The following RLF variants were observed in gnomAD, a reference collection of about 807,000 sequenced individuals.
RLF encodes RLF zinc finger.
In RLF, 7 loss-of-function variants were observed where a neutral mutation model predicts 162.9. The observed-to-expected ratio is 0.04, with a 90% confidence interval of 0.02 to 0.08. RLF has a LOEUF of 0.08. RLF is among the 10% of genes least tolerant of loss of function. The pLI is 1.00. For missense variants in RLF, 1,664 were observed against 2,244.7 expected, an observed-to-expected ratio of 0.74 and a Z score of 5.23; for synonymous variants, 782 against 791.5, an observed-to-expected ratio of 0.99 and a Z score of 0.20.
intron 6 of RLF, among the ~76,000 whole-genome samples, chr1:40,226,745 TACTTCATTCC>T (rs1410732050): frequency 3.3e-5 from 5 of 152,208 alleles, no homozygotes; most frequent in African/African-American, 1.2e-4. Context: ...CAGTTTTATT[TACTTCATTCC>T]TAAAATACCT....
chr1:40,165,416 C>T (rs1016702213), intron 1 of RLF, among the ~76,000 whole-genome samples: 1 of 152,184 alleles, frequency 6.6e-6, no homozygotes, highest in Non-Finnish European at 1.5e-5. Flanking sequence ...GTATTAACTA[C>T]GTTAACGAGA....
At chr1:40,184,664 A>G (rs1642448286) in intron 1 of RLF, among the ~76,000 whole-genome samples, 1 of 152,176 alleles carries the variant, frequency 6.6e-6, no homozygotes. Context: ...TGGGATGTGA[A>G]TGAGAGCACC....
chr1:40,205,485 C>CTTTTTTTTT (rs36038824), intron 5 of RLF, among the ~76,000 whole-genome samples: 1 of 107,060 alleles, frequency 9.3e-6, no homozygotes, highest in Non-Finnish European at 1.8e-5. Context: ...TTCCTTCCTT[C>CTTTTTTTTT]TTTTTTTTTT....
At chr1:40,235,165 C>T (rs144128419) in intron 7 of RLF, among the ~76,000 whole-genome samples, 8 of 147,466 alleles carry the variant, frequency 5.4e-5, no homozygotes, top group African/African-American at 1.5e-4. Flanking sequence ...TGGGTTCAAG[C>T]GATTCTGCTG....
At chr1:40,167,076 C>T (rs930131879) in intron 1 of RLF, among the ~76,000 whole-genome samples, 3 of 152,124 alleles carry the variant, frequency 2.0e-5, no homozygotes, top group African/African-American at 7.2e-5. Flanking sequence ...CATTATTTAT[C>T]AATCTAAGCC....
In RLF at chr1:40,239,145, A is replaced by C. The variant is rs1178609368; in HGVS notation, c.4443A>C (p.Lys1481Asn). The change falls in exon 8 of 8, where the codon AAA (lysine) becomes AAC (asparagine). Residue 1481 changes from lysine to asparagine, a missense_variant. Around this residue, in one of 15 missense-constraint regions of RLF, gnomAD observed 200 missense variants for 207.3 expected, o/e 0.96. Transcript: ENST00000372771. Reference protein sequence around the residue: ...DYYDDLFRSQKVANERLLRSE... With the variant: ...DYYDDLFRSQNVANERLLRSE... The stretch of plus-strand genomic sequence containing the variant: ...ATGATGATTTGTTTAGAAGCCAGAA[A>C]GTAGCAAATGAGAGACTACTAAGGA... 7 of 1,614,030 alleles carry C rather than the reference A, an allele frequency of 4.3e-6. No homozygotes were observed. Among genetic ancestry groups the C allele is most frequent in the Non-Finnish European group, 5.1e-6 (6 of 1,180,038 alleles).
chr1:40,189,631 TAAGA>T (rs1209075604), intron 2 of RLF, among the ~76,000 whole-genome samples: 1 of 152,136 alleles, frequency 6.6e-6, no homozygotes, highest in Non-Finnish European at 1.5e-5. Context: ...ATTACCATCC[TAAGA>T]AAGAGATCAT....
At position 40,202,451 on chromosome 1, in the gene RLF, A is replaced by G; in HGVS notation, c.647A>G (p.Gln216Arg). 6.3e-7 allele frequency: 1 copy of G among 1,581,648 alleles called. No individual in the cohort carries two copies. The highest frequency in any genetic ancestry group is 8.5e-7 in the Non-Finnish European group (1 of 1,170,806). The change falls in exon 5 of 8, where the codon CAA becomes CGA. Residue 216 changes from glutamine (Q) to arginine (R), a missense_variant. By Grantham distance (43) the Gln-to-Arg change is conservative. Coordinates refer to ENST00000372771, the MANE Select transcript of RLF (RefSeq NM_012421.4). ...GCACAAGAAGGACCTTCCTTTCTGCAAATGCGAATAAAACATTTGTTGAAA... is the reference window on the plus strand; with the variant it reads ...GCACAAGAAGGACCTTCCTTTCTGCGAATGCGAATAAAACATTTGTTGAAA... The part of the protein sequence containing the change: ...LIAQEGPSFL[Q>R]MRIKHLLKSN...
rs186161212 is a variant in RLF, at chr1:40,163,686, A to G, written c.237+2050A>G. 6.0e-4 allele frequency among the ~76,000 whole-genome samples: 92 copies of G among 152,332 alleles called. 1 individual carries two copies. The Middle Eastern group carries it at 0.02, about 34-fold the overall frequency. ...AAGTATTCCTGTAACACTGTATTGTAATAGAAAGCACATGGGATTGGGAGT... is the reference window on the plus strand; with the variant it reads ...AAGTATTCCTGTAACACTGTATTGTGATAGAAAGCACATGGGATTGGGAGT... On this transcript the variant is annotated intron_variant, in intron 1 of 7. Transcript: ENST00000372771.
intron 1 of RLF, among the ~76,000 whole-genome samples, chr1:40,167,910 TCTTTATCAA>T (rs1642188300): frequency 1.3e-5 from 2 of 151,772 alleles, no homozygotes; most frequent in Admixed American, 1.3e-4. Flanking sequence ...GTCTTAACTG[TCTTTATCAA>T]GAAATAGGGA....
rs1405718691 is a variant in RLF at position 40,227,874 on chromosome 1, G to A, written c.948-3643G>A. Among the ~76,000 whole-genome samples the A allele has an allele frequency of 2.0e-5, 3 of 152,214 alleles. No homozygotes were observed. The East Asian group carries it at 5.8e-4, about 29-fold the overall frequency. ...AAAAAATAGCTGGGGATGGTGGCGG[G>A]CACCTGTAATCACAGCTACTAGGGA... On this transcript the variant is annotated intron_variant, in intron 6 of 7. Transcript: ENST00000372771.
rs1323813748 is a variant in RLF, at chr1:40,239,487, T to C, written c.4785T>C (p.Gly1595=). The change falls in exon 8 of 8, where the codon GGT becomes GGC. Residue 1595 remains glycine, a synonymous_variant. Coordinates refer to ENST00000372771, the MANE Select transcript of RLF (RefSeq NM_012421.4). The part of the protein sequence containing the change: ...MENLVVCVKY[G]TKIKEEPPSE... ...ATCTTGTTGTTTGCGTTAAGTACGG[T>C]ACCAAAATTAAGGAGGAACCCCCTT... is the stretch of plus-strand genomic sequence containing the variant. 2 of 1,613,950 alleles carry C rather than the reference T, an allele frequency of 1.2e-6. No homozygotes were observed. The highest frequency in any genetic ancestry group is 2.7e-5 in the African/African-American group (2 of 75,004).
intron 4 of RLF, among the ~76,000 whole-genome samples, chr1:40,196,890 T>G (rs1177805765): frequency 1.3e-5 from 2 of 152,220 alleles, no homozygotes; most frequent in Non-Finnish European, 2.9e-5. Flanking sequence ...ATCACAAAAG[T>G]ATCTTCTTTG....
At position 40,169,559 on chromosome 1, in the gene RLF, T is replaced by G. The variant is rs867271734; in HGVS notation, c.237+7923T>G. On this transcript the variant is annotated intron_variant, in intron 1 of 7. Coordinates refer to ENST00000372771, the MANE Select transcript of RLF (RefSeq NM_012421.4). ...TGAACCCGGGAGGCGGAGCTTGCAG[T>G]GAGCCGAGATTGCGCCACTGCAGTC... Among the ~76,000 whole-genome samples, 48 of 127,744 alleles carry G rather than the reference T, an allele frequency of 3.8e-4. 1 individual carries two copies. The highest frequency in any genetic ancestry group is 1.4e-3 in the African/African-American group (46 of 32,734). The allele number at this position is 127,744 out of a possible 152,430, so 83.8% of individuals were successfully genotyped here.
rs372603446 is a variant in RLF at position 40,171,968 on chromosome 1, A to G, written c.237+10332A>G. ...CTGTATGATGTGTACATATATATGT[A>G]CTATTTTTAGAAAAGGTTTCAAGCT... On this transcript the variant is annotated intron_variant, in intron 1 of 7. Transcript: ENST00000372771. Among the ~76,000 whole-genome samples the G allele has an allele frequency of 2.6e-5, 4 of 152,178 alleles. No homozygotes were observed. The South Asian group carries it at 6.2e-4, about 24-fold the overall frequency.
At chr1:40,162,814 C>G (rs1642114824) in intron 1 of RLF, among the ~76,000 whole-genome samples, 1 of 152,202 alleles carries the variant, frequency 6.6e-6, no homozygotes, top group Non-Finnish European at 1.5e-5. Context: ...TTGCCCTGTA[C>G]TATTAAATGT....
In RLF at chr1:40,182,788, G is replaced by GATAA. The variant is rs1553172728; in HGVS notation, c.238-6264_238-6263insAATA. ...AGATAGATAGATAGATAGATAGATAGATAGAGTAATAAGTTAGTCATATCA... is the reference window on the plus strand; with the variant it reads ...AGATAGATAGATAGATAGATAGATAGATAAATAGAGTAATAAGTTAGTCATATCA... On this transcript the variant is annotated intron_variant, in intron 1 of 7. Coordinates refer to ENST00000372771, the MANE Select transcript of RLF (RefSeq NM_012421.4). Among the ~76,000 whole-genome samples the GATAA allele has an allele frequency of 2.2e-3, 328 of 151,762 alleles. 3 individuals carry two copies. Among genetic ancestry groups the GATAA allele is most frequent in the African/African-American group, 7.4e-3 (306 of 41,270 alleles).
At chr1:40,204,891 A>G (rs1642768163) in intron 5 of RLF, among the ~76,000 whole-genome samples, 1 of 152,232 alleles carries the variant, frequency 6.6e-6, no homozygotes, top group African/African-American at 2.4e-5. Context: ...GATAAATAAG[A>G]GAATTTTCAT....
At chr1:40,205,547 T>C (rs1378816700) in intron 5 of RLF, among the ~76,000 whole-genome samples, 1 of 145,776 alleles carries the variant, frequency 6.9e-6, no homozygotes, top group African/African-American at 2.6e-5. Context: ...TGGAGTGCAG[T>C]GGCACGATCT....
Sources: allele counts gnomAD v4.1 joint callset (sites outside exome capture counted in the v4.1 genomes callset), GRCh38; gene constraint gnomAD v4.1.1; regional missense constraint gnomAD v4.1.1; transcripts MANE v1.5; gene names NCBI Gene and HGNC (gene_info 2026-07-23, HGNC 2026-07-21).